CNTN5: variants seen among roughly 807,000 people sequenced by gnomAD.
The protein encoded by CNTN5 is contactin 5.
CNTN5 carries 77 observed loss-of-function variants against 129.1 expected under a neutral mutation model. That is an observed-to-expected ratio of 0.60 (90% CI 0.50 to 0.72). The LOEUF is 0.72. Among genes scored for constraint, CNTN5 ranks in the 30% least tolerant of loss-of-function variants. CNTN5 has a pLI of 0.00. For missense variants in CNTN5, 1,478 were observed against 1,328.8 expected (o/e 1.11, Z -1.75); for synonymous variants, 509 against 465.6 (o/e 1.09, Z -1.20).
intron 15 of CNTN5, among the ~76,000 whole-genome samples, chr11:100,195,611 C>A (rs1178177993): frequency 6.6e-6 from 1 of 150,492 alleles, no homozygotes; most frequent in Non-Finnish European, 1.5e-5. Context: ...AAGAAGAAAG[C>A]AAATCATGGT....
chr11:99,662,739 C>G (rs1418698319), intron 3 of CNTN5, among the ~76,000 whole-genome samples: 2 of 152,136 alleles, frequency 1.3e-5, no homozygotes, highest in African/African-American at 2.4e-5. Context: ...TTACAACTTG[C>G]AATGTAGTCC....
chr11:99,439,422 ACATAGACAGGC>A (rs1943729070), intron 2 of CNTN5, among the ~76,000 whole-genome samples: 1 of 152,090 alleles, frequency 6.6e-6, no homozygotes, highest in Admixed American at 6.6e-5. Context: ...ATTTAGAAAT[ACATAGACAGGC>A]GCGGTGGCTC....
At chr11:99,466,355 T>C (rs1435746968) in intron 2 of CNTN5, among the ~76,000 whole-genome samples, 1 of 152,152 alleles carries the variant, frequency 6.6e-6, no homozygotes, top group Non-Finnish European at 1.5e-5. Context: ...CCAAACCATA[T>C]CATGTACCAT....
intron 2 of CNTN5, among the ~76,000 whole-genome samples, chr11:99,404,692 TTACA>T (rs1941993423): frequency 6.6e-6 from 1 of 152,170 alleles, no homozygotes; most frequent in Non-Finnish European, 1.5e-5. Context: ...TTGTTACTAT[TTACA>T]TCTTATTGTA....
chr11:100,191,991 A>C (rs1948507884), intron 14 of CNTN5, among the ~76,000 whole-genome samples: 1 of 152,004 alleles, frequency 6.6e-6, no homozygotes, highest in Admixed American at 6.6e-5. Flanking sequence ...TAAAAATATA[A>C]AAATATTATT....
At chr11:100,003,523 T>C (rs1423070553) in intron 9 of CNTN5, among the ~76,000 whole-genome samples, 1 of 152,150 alleles carries the variant, frequency 6.6e-6, no homozygotes. Context: ...CCAGAATTTA[T>C]ACTAAGGCCA....
At chr11:99,283,536 T>C (rs1396487471) in intron 1 of CNTN5, among the ~76,000 whole-genome samples, 1 of 152,142 alleles carries the variant, frequency 6.6e-6, no homozygotes, top group Non-Finnish European at 1.5e-5. Flanking sequence ...TCCACTTTTA[T>C]TTTGTCAAGC....
chr11:99,182,453 AT>A (rs35599171), intron 1 of CNTN5, among the ~76,000 whole-genome samples: 15,287 of 151,256 alleles, frequency 0.1, 1,414 homozygotes, highest in East Asian at 0.45. Context: ...ATACACAGGC[AT>A]TTTTTTTTCA....
chr11:99,039,386 A>G (rs1444077979), intron 1 of CNTN5, among the ~76,000 whole-genome samples: 1 of 152,140 alleles, frequency 6.6e-6, no homozygotes, highest in Non-Finnish European at 1.5e-5. Context: ...GTACTGTGTC[A>G]TTAATAGGAA....
At chr11:99,598,319 C>A (rs1950195171) in intron 3 of CNTN5, among the ~76,000 whole-genome samples, 1 of 40,320 alleles carries the variant, frequency 2.5e-5, no homozygotes, top group East Asian at 3.2e-4. Flanking sequence ...CTTTTCTTTT[C>A]TTTTCTGTCC....
intron 3 of CNTN5, among the ~76,000 whole-genome samples, chr11:99,570,693 T>C (rs995271614): frequency 7.9e-5 from 12 of 152,178 alleles, no homozygotes; most frequent in African/African-American, 2.9e-4. Flanking sequence ...CTCACATTCT[T>C]GTAGAGAAGA....
At chr11:99,297,393 T>C (rs1354501783) in intron 1 of CNTN5, among the ~76,000 whole-genome samples, 1 of 152,172 alleles carries the variant, frequency 6.6e-6, no homozygotes, top group Non-Finnish European at 1.5e-5. Flanking sequence ...TCAGCGATCC[T>C]GTACATCCCT....
chr11:100,041,420 C>T (rs374251070), intron 9 of CNTN5, among the ~76,000 whole-genome samples: 28 of 152,190 alleles, frequency 1.8e-4, no homozygotes, highest in Non-Finnish European at 2.5e-4. Context: ...AAGTCTAGAA[C>T]ATAGTAAGTA....
intron 7 of CNTN5, among the ~76,000 whole-genome samples, chr11:99,917,919 C>G (rs1351727308): frequency 1.3e-5 from 2 of 152,106 alleles, no homozygotes; most frequent in South Asian, 2.1e-4. Flanking sequence ...AATGACTGTT[C>G]AGTAATCGTG....
intron 20 of CNTN5, among the ~76,000 whole-genome samples, chr11:100,307,007 C>T (rs754365063): frequency 1.5e-4 from 23 of 151,532 alleles, no homozygotes; most frequent in Admixed American, 3.3e-4. Flanking sequence ...AAAATCATTG[C>T]TTGGTGCAAA....
intron 9 of CNTN5, among the ~76,000 whole-genome samples, chr11:100,051,238 T>C (rs944890076): frequency 6.6e-6 from 1 of 152,000 alleles, no homozygotes; most frequent in African/African-American, 2.4e-5. Context: ...AGATAAATTA[T>C]GTGTTGGGCC....
At chr11:99,452,566 G>T (rs917956152) in intron 2 of CNTN5, among the ~76,000 whole-genome samples, 1 of 151,870 alleles carries the variant, frequency 6.6e-6, no homozygotes, top group African/African-American at 2.4e-5. Context: ...TAGAGACGAG[G>T]TTTCACTGTG....
In CNTN5 at chr11:99,382,845, C is replaced by CTTTTTTTTTTTTTTTT. The variant is rs1163660333; in HGVS notation, c.-71+57376_-71+57391dup. On this transcript the variant is annotated intron_variant, in intron 2 of 24. Coordinates refer to ENST00000524871, the MANE Select transcript of CNTN5 (RefSeq NM_014361.4). The stretch of plus-strand genomic sequence containing the variant: ...ACATCTCACTAGTGTCTCTAAATAA[C>CTTTTTTTTTTTTTTTT]TTTTTTTTTTTTTTTTTTTTTTTTT... 1.4e-3 allele frequency among the ~76,000 whole-genome samples: 108 copies of CTTTTTTTTTTTTTTTT among 77,030 alleles called. 22 individuals are homozygous for CTTTTTTTTTTTTTTTT. Among genetic ancestry groups the CTTTTTTTTTTTTTTTT allele is most frequent in the African/African-American group, 2.1e-3 (34 of 16,182 alleles). 50.5% of individuals were successfully genotyped at this position (77,030 alleles called of 152,430 possible). A position where few individuals can be genotyped will look rare whatever the true frequency, so the allele number is the denominator to read the frequency against.
At chr11:99,732,418 A>AACTGAGT (rs1943565339) in intron 3 of CNTN5, among the ~76,000 whole-genome samples, 2 of 151,608 alleles carry the variant, frequency 1.3e-5, no homozygotes, top group Non-Finnish European at 1.5e-5. Context: ...CTTGTATAAT[A>AACTGAGT]ACTCAGTATA....
Sources: allele counts gnomAD v4.1 joint callset (sites outside exome capture counted in the v4.1 genomes callset), GRCh38; gene constraint gnomAD v4.1.1; transcripts MANE v1.5; gene names NCBI Gene and HGNC (gene_info 2026-07-23, HGNC 2026-07-21).